RILPL1: variants seen among roughly 807,000 people sequenced by gnomAD.
The protein encoded by RILPL1 is Rab interacting lysosomal protein like 1.
RILPL1 carries 33 observed loss-of-function variants against 50.3 expected under a neutral mutation model. The observed-to-expected ratio is 0.66, with a 90% CI of 0.50 to 0.88. RILPL1 has a LOEUF of 0.88. Ranked by LOEUF, RILPL1 falls within the 40% of genes least tolerant of loss-of-function variation. The pLI is 0.00. For synonymous variants in RILPL1, 205 were observed against 228.6 expected (o/e 0.90, Z 0.93); for missense variants, 418 against 542.5 (o/e 0.77, Z 2.28).
chr12:123,504,282 G>A (rs1883597492), intron 2 of RILPL1, among the ~76,000 whole-genome samples: 1 of 152,048 alleles, frequency 6.6e-6, no homozygotes, highest in South Asian at 2.1e-4. Flanking sequence ...TGAGGAGAAA[G>A]CACAGAGGCA....
chr12:123,523,753 C>T lies in RILPL1; in HGVS notation c.310-108G>A, dbSNP rs180831431. 3.6e-4 allele frequency: 477 copies of T among 1,325,178 alleles called. 7 individuals are homozygous for T. In the South Asian group the frequency reaches 4.0e-3, roughly 11 times the overall value. The allele number at this position is 1,325,178 out of a possible 1,614,324, so 82.1% of individuals were successfully genotyped here. A position where few individuals can be genotyped will look rare whatever the true frequency, so the allele number is the denominator to read the frequency against. ...GGTTGCTGGGACTTTGGGCCATCCC[C>T]TTCCTCGTGAGAACTGGGCCGGCAA... On this transcript the variant is annotated intron_variant, in intron 1 of 6. Coordinates refer to ENST00000376874, the MANE Select transcript of RILPL1 (RefSeq NM_178314.5).
rs567020681 is a variant in RILPL1 at position 123,507,029 on chromosome 12, A to C, written c.461-7493T>G. Among the ~76,000 whole-genome samples the C allele has an allele frequency of 4.0e-3, 605 of 152,302 alleles. 3 individuals carry two copies. The highest frequency in any genetic ancestry group is 0.014 in the African/African-American group (569 of 41,562). ...GGCAAGAATCCATTTAGCCACCAGA[A>C]TGGCTAAAATGAGAAGGACTGACAC... On this transcript the variant is annotated intron_variant, in intron 2 of 6. Transcript: ENST00000376874.
chr12:123,496,751 A>G (rs1883057996), intron 4 of RILPL1, among the ~76,000 whole-genome samples: 1 of 152,206 alleles, frequency 6.6e-6, no homozygotes, highest in Non-Finnish European at 1.5e-5. Flanking sequence ...GTCTGGGGGC[A>G]CATTTAAGGA....
At chr12:123,532,210 G>A (rs1213162204) in intron 1 of RILPL1, among the ~76,000 whole-genome samples, 1 of 152,212 alleles carries the variant, frequency 6.6e-6, no homozygotes, top group African/African-American at 2.4e-5. Flanking sequence ...CTCAAGGAAA[G>A]GTGTTTCCTC....
At chr12:123,505,213 G>A (rs1883662618) in intron 2 of RILPL1, among the ~76,000 whole-genome samples, 1 of 152,102 alleles carries the variant, frequency 6.6e-6, no homozygotes, top group Admixed American at 6.6e-5. Flanking sequence ...TGTATTTTTA[G>A]TAGAGACAGG....
chr12:123,523,454 G>A (rs760189182), intron 2 of RILPL1, 41 bp downstream of exon 2: 3 of 1,612,334 alleles, frequency 1.9e-6, no homozygotes, highest in South Asian at 1.1e-5. Flanking sequence ...ATAAGAAAAG[G>A]AATGGCCGGC....
chr12:123,521,618 TGTATATATATA>T (rs1566144204), intron 2 of RILPL1, among the ~76,000 whole-genome samples: 328 of 21,164 alleles, frequency 0.015, 8 homozygotes, highest in African/African-American at 0.04. Context: ...CACACATATG[TGTATATATATA>T]CACACATATG....
intron 6 of RILPL1, among the ~76,000 whole-genome samples, chr12:123,477,688 T>C (rs1320436986): frequency 6.6e-6 from 1 of 151,838 alleles, no homozygotes; most frequent in Non-Finnish European, 1.5e-5. Flanking sequence ...ATGGAGAAGA[T>C]GAGATGCCTT....
chr12:123,512,743 TTGTG>T (rs536796187), intron 2 of RILPL1, among the ~76,000 whole-genome samples: 280 of 113,544 alleles, frequency 2.5e-3, no homozygotes, highest in Non-Finnish European at 3.3e-3. Flanking sequence ...TGTGTGAAGT[TTGTG>T]TGTGTGTGTG....
At chr12:123,521,124 G>C (rs781605587) in intron 2 of RILPL1, among the ~76,000 whole-genome samples, 1 of 152,090 alleles carries the variant, frequency 6.6e-6, no homozygotes, top group Admixed American at 6.6e-5. Context: ...ATGATAACCC[G>C]TAGTAATAAG....
chr12:123,521,602 TATATACAC>T (rs1202489435), intron 2 of RILPL1, among the ~76,000 whole-genome samples: 2 of 56,396 alleles, frequency 3.5e-5, no homozygotes, highest in African/African-American at 1.8e-4. Context: ...TATATTAATA[TATATACAC>T]ACATATGTGT....
intron 2 of RILPL1, among the ~76,000 whole-genome samples, chr12:123,501,674 C>T (rs1338392986): frequency 2.7e-5 from 4 of 148,968 alleles, no homozygotes; most frequent in Admixed American, 1.4e-4. Context: ...GCAGGAGACT[C>T]GCTTGAACCC....
chr12:123,533,631 GGCGGGCGCGGGC>G lies in RILPL1; in HGVS notation c.-161_-150del, dbSNP rs1038738680. ...GGCGAGGGCGCAGCGGGCAGCGGGC[GGCGGGCGCGGGC>G]GCGGGCACGGGCGGCGGCGCGGGGT... On this transcript the variant is annotated 5_prime_UTR_variant, in exon 1 of 7. Coordinates refer to ENST00000376874, the MANE Select transcript of RILPL1 (RefSeq NM_178314.5). The surrounding 1 kb of genome is among the most constrained non-coding windows in gnomAD (Gnocchi z 6.2). 2.5e-6 allele frequency: 1 copy of G among 396,930 alleles called. No individual in the cohort carries two copies. Among genetic ancestry groups the G allele is most frequent in the Non-Finnish European group, 3.4e-6 (1 of 294,974 alleles). 24.6% of individuals were successfully genotyped at this position (396,930 alleles called of 1,614,324 possible). A position where few individuals can be genotyped will look rare whatever the true frequency, so the allele number is the denominator to read the frequency against.
intron 6 of RILPL1, among the ~76,000 whole-genome samples, chr12:123,477,158 C>G (rs1278763660): frequency 6.6e-6 from 1 of 152,124 alleles, no homozygotes; most frequent in Non-Finnish European, 1.5e-5. Flanking sequence ...AGATGAAACT[C>G]CAACCATGCC....
chr12:123,472,437 C>T lies in RILPL1; in HGVS notation c.*101G>A. On this transcript the variant is annotated 3_prime_UTR_variant, in exon 7 of 7. Transcript: ENST00000376874. ...TGAGGGGTCAGTTTTCAGGGTGCAT[C>T]TGCACCGAGAGGCTTGAGGCAGCAA... is the stretch of plus-strand genomic sequence containing the variant. 7.5e-7 allele frequency: 1 copy of T among 1,334,330 alleles called. No individual in the cohort carries two copies. Among genetic ancestry groups the T allele is most frequent in the Non-Finnish European group, 1.0e-6 (1 of 971,002 alleles). 82.7% of individuals were successfully genotyped at this position (1,334,330 alleles called of 1,614,324 possible). A position where few individuals can be genotyped will look rare whatever the true frequency, so the allele number is the denominator to read the frequency against.
intron 2 of RILPL1, among the ~76,000 whole-genome samples, chr12:123,520,197 C>A (rs538796498): frequency 6.6e-6 from 1 of 152,326 alleles, no homozygotes; most frequent in South Asian, 2.1e-4. Flanking sequence ...ACAGGTCCAT[C>A]CATAGATGAG....
chr12:123,477,493 C>T (rs1266909082), intron 6 of RILPL1, among the ~76,000 whole-genome samples: 1 of 151,958 alleles, frequency 6.6e-6, no homozygotes, highest in Non-Finnish European at 1.5e-5. Context: ...CGTGCACCAC[C>T]CTGCTGGGCT....
At chr12:123,508,541 G>A (rs2139355686) in intron 2 of RILPL1, among the ~76,000 whole-genome samples, 1 of 152,348 alleles carries the variant, frequency 6.6e-6, no homozygotes, top group East Asian at 1.9e-4. Context: ...AATCTCTGGA[G>A]ACAAAAGGTC....
chr12:123,511,566 TGTGTGAGGTCTGTGGGTG>T (rs1884210618), intron 2 of RILPL1, among the ~76,000 whole-genome samples: 1 of 136,794 alleles, frequency 7.3e-6, no homozygotes, highest in Non-Finnish European at 1.6e-5. Context: ...GTGTGTGGTA[TGTGTGAGGTCTGTGGGTG>T]GTGTGAGGTC....
Sources: gnomAD v4.1 joint callset for allele counts (sites outside exome capture counted in the v4.1 genomes callset) on GRCh38, gnomAD v4.1.1 for gene constraint, Gnocchi (gnomAD v3.1) non-coding constraint, MANE v1.5 for transcripts, NCBI Gene and HGNC (gene_info 2026-07-23, HGNC 2026-07-21) for gene names.